The following ANKS1B variants were observed in gnomAD, a reference collection of about 807,000 sequenced individuals.
ANKS1B encodes the protein ankyrin repeat and sterile alpha motif domain-containing protein 1B.
In ANKS1B, 36 loss-of-function variants were observed where a neutral mutation model predicts 148.3. That is an observed-to-expected ratio of 0.24 (90% CI 0.19 to 0.32). ANKS1B has a LOEUF of 0.32. Among genes scored for constraint, ANKS1B ranks in the 10% least tolerant of loss-of-function variants. The pLI, the probability that ANKS1B is intolerant of heterozygous loss-of-function variation, is 1.00. For missense variants in ANKS1B, 1,157 were observed against 1,542.6 expected, an observed-to-expected ratio of 0.75 and a Z score of 4.19; for synonymous variants, 542 against 560.8, an observed-to-expected ratio of 0.97 and a Z score of 0.47.
chr12:98,865,036 C>T (rs1186808256), intron 17 of ANKS1B, among the ~76,000 whole-genome samples: 1 of 152,136 alleles, frequency 6.6e-6, no homozygotes, highest in African/African-American at 2.4e-5. Context: ...CCTTCTCTAA[C>T]CTCACTGTTG....
chr12:99,646,393 T>C (rs1310800564), intron 9 of ANKS1B, among the ~76,000 whole-genome samples: 1 of 152,104 alleles, frequency 6.6e-6, no homozygotes, highest in East Asian at 1.9e-4. Flanking sequence ...GCACGGTGGC[T>C]CACACCTGTA....
In ANKS1B at chr12:98,980,717, A is replaced by G. The variant is rs563398053; in HGVS notation, c.2778+72440T>C. On this transcript the variant is annotated intron_variant, in intron 17 of 26. Transcript: ENST00000683438. ...AATATTAATTTTGGTTTTGGCAGGA[A>G]GCCAAACAAAAATCCAGATCTAAAG... Among the ~76,000 whole-genome samples, 15 of 152,308 alleles carry G rather than the reference A, an allele frequency of 9.8e-5. 1 individual carries two copies. The South Asian group carries it at 2.1e-3, about 21-fold the overall frequency.
At chr12:99,046,314 T>C (rs755514764) in intron 17 of ANKS1B, among the ~76,000 whole-genome samples, 3 of 151,984 alleles carry the variant, frequency 2.0e-5, no homozygotes, top group Admixed American at 6.6e-5. Flanking sequence ...ATTCATAATG[T>C]CTGGCGTGTA....
intron 12 of ANKS1B, among the ~76,000 whole-genome samples, chr12:99,385,623 GT>G (rs1214968871): frequency 6.6e-6 from 1 of 152,118 alleles, no homozygotes; most frequent in Non-Finnish European, 1.5e-5. Context: ...CAAACATGTT[GT>G]TAGTAGCAAA....
At chr12:99,800,319 T>C (rs2066781410) in intron 4 of ANKS1B, among the ~76,000 whole-genome samples, 1 of 151,932 alleles carries the variant, frequency 6.6e-6, no homozygotes, top group African/African-American at 2.4e-5. Context: ...AGGAATGGAA[T>C]TGGCCGGAAC....
chr12:99,380,237 C>T (rs1309829690), intron 12 of ANKS1B, among the ~76,000 whole-genome samples: 1 of 152,194 alleles, frequency 6.6e-6, no homozygotes, highest in Non-Finnish European at 1.5e-5. Context: ...AATATTCAAT[C>T]AGAGCTTTCA....
intron 17 of ANKS1B, among the ~76,000 whole-genome samples, chr12:98,896,034 C>G (rs1341201356): frequency 1.3e-5 from 2 of 152,166 alleles, no homozygotes; most frequent in Non-Finnish European, 2.9e-5. Context: ...CTCACTTAGT[C>G]TGGGGTAACA....
chr12:99,660,944 GTTAAA>G (rs1466155507), intron 8 of ANKS1B, among the ~76,000 whole-genome samples: 3 of 152,034 alleles, frequency 2.0e-5, no homozygotes, highest in Non-Finnish European at 4.4e-5. Context: ...TGACTGAGTG[GTTAAA>G]TTAAATATTT....
chr12:99,800,022 T>C (rs1042910499), intron 4 of ANKS1B, among the ~76,000 whole-genome samples: 7 of 152,178 alleles, frequency 4.6e-5, no homozygotes, highest in East Asian at 1.9e-4. Flanking sequence ...TGACTGAAAA[T>C]AGACTGAAGG....
intron 14 of ANKS1B, among the ~76,000 whole-genome samples, chr12:99,225,271 C>T (rs966683834): frequency 1.1e-4 from 17 of 152,036 alleles, no homozygotes; most frequent in East Asian, 9.6e-4. Context: ...TCTTTCTCTA[C>T]ACGCCTTGAT....
intron 15 of ANKS1B, among the ~76,000 whole-genome samples, chr12:99,116,672 G>T (rs1276646833): frequency 6.6e-6 from 1 of 151,956 alleles, no homozygotes; most frequent in Non-Finnish European, 1.5e-5. Context: ...GAGTGTCTTG[G>T]CTATATGGGC....
intron 17 of ANKS1B, among the ~76,000 whole-genome samples, chr12:99,002,870 C>G (rs866227455): frequency 2.6e-5 from 4 of 151,952 alleles, no homozygotes; most frequent in Non-Finnish European, 5.9e-5. Context: ...ATGCTTTTGT[C>G]GCTGTGCTCT....
intron 2 of ANKS1B, among the ~76,000 whole-genome samples, chr12:99,816,105 C>T (rs1006355795): frequency 7.9e-5 from 12 of 151,782 alleles, no homozygotes; most frequent in African/African-American, 2.9e-4. Flanking sequence ...CCACCAGCAG[C>T]GTAAAAGTGT....
intron 12 of ANKS1B, among the ~76,000 whole-genome samples, chr12:99,385,966 C>T (rs1169092005): frequency 1.3e-5 from 2 of 152,132 alleles, no homozygotes; most frequent in African/African-American, 2.4e-5. Context: ...GTTAATAGTG[C>T]TTCCTTTCAC....
At chr12:99,840,168 C>CA (rs1490583268) in intron 1 of ANKS1B, among the ~76,000 whole-genome samples, 10 of 152,068 alleles carry the variant, frequency 6.6e-5, no homozygotes, top group African/African-American at 2.4e-4. Context: ...GCAAGAGGAA[C>CA]AGAGTGCTGT....
At chr12:99,398,998 G>A (rs1259658813) in intron 12 of ANKS1B, among the ~76,000 whole-genome samples, 2 of 152,046 alleles carry the variant, frequency 1.3e-5, no homozygotes, top group African/African-American at 4.8e-5. Flanking sequence ...ATATGGCAGG[G>A]GAGGATATTC....
chr12:99,284,855 C>T (rs1434498686), intron 12 of ANKS1B, among the ~76,000 whole-genome samples: 3 of 152,144 alleles, frequency 2.0e-5, no homozygotes, highest in African/African-American at 7.2e-5. Context: ...TCATTCTCTC[C>T]TTCACTATTC....
At chr12:99,214,593 G>A (rs997836175) in intron 14 of ANKS1B, among the ~76,000 whole-genome samples, 15 of 152,188 alleles carry the variant, frequency 9.9e-5, no homozygotes, top group African/African-American at 3.6e-4. Flanking sequence ...CCTGTGGCGT[G>A]TGGAACTGTG....
intron 17 of ANKS1B, among the ~76,000 whole-genome samples, chr12:98,957,376 C>T (rs2099864257): frequency 6.6e-6 from 1 of 150,618 alleles, no homozygotes; most frequent in African/African-American, 2.4e-5. Flanking sequence ...GAGACGGAGT[C>T]TCTCTCTGTT....
Sources: allele counts gnomAD v4.1 joint callset (sites outside exome capture counted in the v4.1 genomes callset), GRCh38; gene constraint gnomAD v4.1.1; transcripts MANE v1.5; gene names NCBI Gene and HGNC (gene_info 2026-07-23, HGNC 2026-07-21).